SLC24A2: variants seen among roughly 807,000 people sequenced by gnomAD.
The protein encoded by SLC24A2 is sodium/potassium/calcium exchanger 2.
In SLC24A2, 36 loss-of-function variants were observed where a neutral mutation model predicts 62.0. The ratio of observed to expected loss-of-function variants is 0.58; its 90% CI spans 0.44 to 0.77. The LOEUF (loss-of-function observed/expected upper bound fraction) is 0.77. Among genes scored for constraint, SLC24A2 ranks in the 30% least tolerant of loss-of-function variants. The pLI is 0.00. For missense variants in SLC24A2, 846 were observed against 817.9 expected (o/e 1.03, Z -0.42); for synonymous variants, 358 against 294.0 (o/e 1.22, Z -2.23).
chr9:19,880,709 A>G, the SLC24A2 span, among the ~76,000 whole-genome samples: 1 of 152,194 alleles, frequency 6.6e-6, no homozygotes, highest in Non-Finnish European at 1.5e-5. Flanking sequence ...TGGCTTGAGC[A>G]ACTGGCATAG....
intron 8 of SLC24A2, among the ~76,000 whole-genome samples, chr9:19,531,261 T>G (rs1373996523): frequency 6.6e-6 from 1 of 152,190 alleles, no homozygotes; most frequent in East Asian, 1.9e-4. Context: ...ACCATTCCCC[T>G]TACTTGGACA....
the SLC24A2 span, among the ~76,000 whole-genome samples, chr9:20,123,664 T>G: frequency 6.6e-6 from 1 of 152,338 alleles, no homozygotes; most frequent in South Asian, 2.1e-4. Context: ...ACTGAGCTAA[T>G]ATAAGCAAAG....
At chr9:20,198,006 C>A in the SLC24A2 span, among the ~76,000 whole-genome samples, 3 of 152,174 alleles carry the variant, frequency 2.0e-5, no homozygotes, top group East Asian at 3.9e-4. Context: ...ATTTCCCTTC[C>A]CCTTGGCTGC....
the SLC24A2 span, among the ~76,000 whole-genome samples, chr9:20,302,085 T>C: frequency 0.035 from 5,313 of 152,336 alleles, 120 homozygotes; most frequent in Middle Eastern, 0.068. Context: ...CTTTTAACGC[T>C]GAATAATATT....
chr9:19,889,798 T>C, the SLC24A2 span, among the ~76,000 whole-genome samples: 2 of 152,226 alleles, frequency 1.3e-5, no homozygotes, highest in East Asian at 1.9e-4. Flanking sequence ...TCTACACTTT[T>C]AGTTTTTTCT....
the SLC24A2 span, among the ~76,000 whole-genome samples, chr9:20,176,731 T>G: frequency 0.015 from 2,311 of 152,242 alleles, 58 homozygotes; most frequent in African/African-American, 0.053. Context: ...ACGTTGACTT[T>G]CATGTCTATT....
At chr9:19,541,894 G>T (rs926202150) in intron 8 of SLC24A2, among the ~76,000 whole-genome samples, 1 of 152,156 alleles carries the variant, frequency 6.6e-6, no homozygotes, top group Non-Finnish European at 1.5e-5. Context: ...CCAGGTGTGG[G>T]ATATAGTCTC....
chr9:19,539,366 A>C lies in SLC24A2; in HGVS notation c.1479+10771T>G, dbSNP rs1215451157. ...TAGTGCTATAAATTTCCCTCTACAC[A>C]CTGCTTTGAATGTGTCCCAGAGATT... On this transcript the variant is annotated intron_variant, in intron 8 of 10. Coordinates refer to ENST00000341998, the MANE Select transcript of SLC24A2 (RefSeq NM_020344.4). Among the ~76,000 whole-genome samples the C allele has an allele frequency of 3.4e-5, 5 of 148,802 alleles. No homozygotes were observed. In the East Asian group the frequency reaches 7.9e-4, roughly 23 times the overall value.
At chr9:20,270,909 C>A in the SLC24A2 span, among the ~76,000 whole-genome samples, 44,353 of 152,006 alleles carry the variant, frequency 0.29, 6,704 homozygotes, top group South Asian at 0.41. Context: ...ATAAATGGGG[C>A]ACAGAGGGAA....
In SLC24A2 at chr9:19,528,134, G is replaced by A. The variant is rs375718862; in HGVS notation, c.1484C>T (p.Ser495Leu). 3.8e-6 allele frequency: 6 copies of A among 1,575,418 alleles called. No homozygotes were observed. The highest frequency in any genetic ancestry group is 4.3e-6 in the Non-Finnish European group (5 of 1,156,218). Reference protein sequence around the residue: ...ITLPDVRKPSSRKFFPITFFG... With the variant: ...ITLPDVRKPSLRKFFPITFFG... The stretch of plus-strand genomic sequence containing the variant: ...GAACGTGATGGGAAAAAACTTCCTC[G>A]ATGACTGAAAGACAACCAGGAAGAG... Residue 495 changes from serine to leucine, a missense_variant, in exon 9 of 11, where the codon TCG becomes TTG. Physicochemically the swap from Ser to Leu is moderately radical, Grantham distance 145. Coordinates refer to ENST00000341998, the MANE Select transcript of SLC24A2 (RefSeq NM_020344.4).
chr9:19,628,542 T>G (rs1272033462), intron 2 of SLC24A2, among the ~76,000 whole-genome samples: 1 of 152,216 alleles, frequency 6.6e-6, no homozygotes, highest in East Asian at 1.9e-4. Context: ...TTTACTTTGT[T>G]GTACCATTTC....
At chr9:19,755,810 A>G (rs1822122882) in intron 2 of SLC24A2, among the ~76,000 whole-genome samples, 1 of 152,210 alleles carries the variant, frequency 6.6e-6, no homozygotes, top group Non-Finnish European at 1.5e-5. Flanking sequence ...TCGTAAATTA[A>G]TAGATTGTCA....
chr9:19,839,460 C>T, the SLC24A2 span, among the ~76,000 whole-genome samples: 1 of 152,088 alleles, frequency 6.6e-6, no homozygotes, highest in East Asian at 1.9e-4. Context: ...GTACTATAGT[C>T]TGGATTATAT....
the SLC24A2 span, among the ~76,000 whole-genome samples, chr9:20,010,034 G>C: frequency 2.6e-5 from 4 of 152,170 alleles, no homozygotes; most frequent in Admixed American, 6.5e-5. Context: ...TGCCCAATCA[G>C]ATATAATTTC....
chr9:19,673,446 T>TGTGTGC (rs1819476638), intron 2 of SLC24A2, among the ~76,000 whole-genome samples: 1 of 142,684 alleles, frequency 7.0e-6, no homozygotes, highest in South Asian at 2.2e-4. Context: ...TGTGTGTGCG[T>TGTGTGC]GTGTGTGTGT....
intron 4 of SLC24A2, among the ~76,000 whole-genome samples, chr9:19,600,368 G>A (rs999910727): frequency 1.3e-5 from 2 of 152,156 alleles, no homozygotes; most frequent in Non-Finnish European, 2.9e-5. Flanking sequence ...CCAAAAGAGT[G>A]ACTTTTTTGT....
At chr9:19,637,134 G>A (rs12551557) in intron 2 of SLC24A2, among the ~76,000 whole-genome samples, 113,055 of 152,150 alleles carry the variant, frequency 0.74, 42,103 homozygotes, top group East Asian at 0.86. Context: ...AGCCCATCCA[G>A]TTGACAGCCT....
chr9:19,932,292 C>T, the SLC24A2 span, among the ~76,000 whole-genome samples: 6 of 152,088 alleles, frequency 3.9e-5, no homozygotes, highest in Non-Finnish European at 8.8e-5. Flanking sequence ...GTTAAAATTC[C>T]GGTAGATATT....
chr9:20,231,012 T>C, the SLC24A2 span, among the ~76,000 whole-genome samples: 1 of 152,324 alleles, frequency 6.6e-6, no homozygotes, highest in Middle Eastern at 3.4e-3. Flanking sequence ...ATTGCTTGTT[T>C]TTGTCAGGTT....
Sources: allele counts gnomAD v4.1 joint callset (sites outside exome capture counted in the v4.1 genomes callset), GRCh38; gene constraint gnomAD v4.1.1; transcripts MANE v1.5; gene names NCBI Gene and HGNC (gene_info 2026-07-23, HGNC 2026-07-21).